Variants in VAT1L observed in about 807,000 individuals in gnomAD.
The protein encoded by VAT1L is vesicle amine transport 1 like.
VAT1L carries 34 observed loss-of-function variants against 44.1 expected under a neutral mutation model. The ratio of observed to expected loss-of-function variants is 0.77; its 90% confidence interval spans 0.59 to 1.03. The LOEUF (loss-of-function observed/expected upper bound fraction) is 1.03, where lower values mean the gene tolerates loss of function less well. Ranked by LOEUF, VAT1L falls within the 50% of genes least tolerant of loss-of-function variation. The probability of loss-of-function intolerance (pLI) is 0.00; values close to 1 mark genes in which losing one functional copy is unlikely to be tolerated. For missense variants in VAT1L, 615 were observed against 538.8 expected, an observed-to-expected ratio of 1.14 and a Z score of -1.40; for synonymous variants, 253 against 202.2, an observed-to-expected ratio of 1.25 and a Z score of -2.13.
intron 3 of VAT1L, among the ~76,000 whole-genome samples, chr16:77,832,061 C>T (rs538795803): frequency 9.3e-5 from 14 of 150,916 alleles, no homozygotes; most frequent in Admixed American, 5.3e-4. Context: ...CTCCTGACCT[C>T]GGGCAATCCA....
rs74029436 is a variant in VAT1L, at chr16:77,844,069, C to T, written c.579+18608C>T. On this transcript the variant is annotated intron_variant, in intron 3 of 8. Coordinates refer to ENST00000302536, the MANE Select transcript of VAT1L (RefSeq NM_020927.3). The stretch of plus-strand genomic sequence containing the variant: ...GGACCATCTGTAAGGGAGAAAGGCA[C>T]ATAGCTATACAGCAAATATATACAC... 4.8e-3 allele frequency among the ~76,000 whole-genome samples: 727 copies of T among 152,326 alleles called. 6 individuals carry two copies. Among genetic ancestry groups the T allele is most frequent in the African/African-American group, 0.017 (696 of 41,578 alleles).
chr16:77,975,189 G>T (rs866004127), intron 8 of VAT1L, among the ~76,000 whole-genome samples: 148 of 79,708 alleles, frequency 1.9e-3, no homozygotes, highest in African/African-American at 6.5e-3. Flanking sequence ...CTACTGGAAT[G>T]ACCACTTTTT....
At chr16:77,830,508 T>C (rs1328661995) in intron 3 of VAT1L, among the ~76,000 whole-genome samples, 1 of 152,152 alleles carries the variant, frequency 6.6e-6, no homozygotes, top group Non-Finnish European at 1.5e-5. Context: ...GTCTTTCCCA[T>C]GCTGTTCTTG....
chr16:77,912,934 G>A (rs1435679419), intron 7 of VAT1L, among the ~76,000 whole-genome samples: 2 of 151,974 alleles, frequency 1.3e-5, no homozygotes, highest in East Asian at 3.9e-4. Context: ...CTTCTTCTAA[G>A]GGCATCAATC....
chr16:77,887,041 C>A (rs935427356), intron 7 of VAT1L, among the ~76,000 whole-genome samples: 3 of 152,250 alleles, frequency 2.0e-5, no homozygotes, highest in Admixed American at 6.5e-5. Context: ...ATTGAGAATG[C>A]ATGCTGTAGA....
chr16:77,966,855 A>G (rs1597125514), intron 7 of VAT1L, among the ~76,000 whole-genome samples: 1 of 149,214 alleles, frequency 6.7e-6, no homozygotes, highest in Admixed American at 6.7e-5. Flanking sequence ...ACTAGTGGCT[A>G]TAGGATTAGG....
chr16:77,970,673 G>A (rs1597127480), intron 7 of VAT1L, among the ~76,000 whole-genome samples: 1 of 152,148 alleles, frequency 6.6e-6, no homozygotes, highest in Non-Finnish European at 1.5e-5. Flanking sequence ...CTGTAATTGA[G>A]TATCTTTTGT....
At chr16:77,951,924 T>C (rs1282441967) in intron 7 of VAT1L, among the ~76,000 whole-genome samples, 1 of 152,050 alleles carries the variant, frequency 6.6e-6, no homozygotes, top group Admixed American at 6.5e-5. Context: ...TGAACTCAAT[T>C]CCTTTGAAAC....
At chr16:77,958,911 G>C (rs1214395019) in intron 7 of VAT1L, among the ~76,000 whole-genome samples, 2 of 152,164 alleles carry the variant, frequency 1.3e-5, no homozygotes. Flanking sequence ...TAGTTATCCT[G>C]TTGCCAAGTA....
At chr16:77,930,087 T>G (rs73566787) in intron 7 of VAT1L, among the ~76,000 whole-genome samples, 2,089 of 152,220 alleles carry the variant, frequency 0.014, 47 homozygotes, top group African/African-American at 0.048. Context: ...GGACCTACCT[T>G]CCAGCCCAAA....
At chr16:77,919,128 G>GTGTGTGTGCA (rs968498592) in intron 7 of VAT1L, among the ~76,000 whole-genome samples, 5 of 152,198 alleles carry the variant, frequency 3.3e-5, no homozygotes, top group Admixed American at 3.3e-4. Flanking sequence ...TTGAGGGTGT[G>GTGTGTGTGCA]TGTGTGTGCA....
chr16:77,801,063 A>C (rs1017939462), intron 1 of VAT1L: 7 of 152,190 alleles, frequency 4.6e-5, no homozygotes, highest in African/African-American at 1.7e-4. Context: ...TCCTGACCTC[A>C]GCTGATCTGC....
intron 1 of VAT1L, among the ~76,000 whole-genome samples, chr16:77,816,467 C>T (rs2016357108): frequency 6.6e-6 from 1 of 152,198 alleles, no homozygotes; most frequent in Non-Finnish European, 1.5e-5. Flanking sequence ...TCTTCTTTCT[C>T]TTTCTCAGGC....
In VAT1L at chr16:77,977,926, CT is replaced by C. The variant is rs2142551116; in HGVS notation, c.*232del. Reference sequence around the variant, plus strand: ...TGTGTATTACACATTCCCCTCTCCCCTGTATCAAAACCATCCATCTGTGGGT... The same window carrying C: ...TGTGTATTACACATTCCCCTCTCCCCGTATCAAAACCATCCATCTGTGGGT... On this transcript the variant is annotated 3_prime_UTR_variant, in exon 9 of 9. Transcript: ENST00000302536. The C allele has an allele frequency of 4.2e-6, 2 of 478,478 alleles. No individual in the cohort carries two copies. Among genetic ancestry groups the C allele is most frequent in the Admixed American group, 6.8e-5 (2 of 29,420 alleles). 29.6% of individuals were successfully genotyped at this position (478,478 alleles called of 1,614,324 possible). A position where few individuals can be genotyped will look rare whatever the true frequency, so the allele number is the denominator to read the frequency against.
At chr16:77,895,574 A>C (rs189177785) in intron 7 of VAT1L, among the ~76,000 whole-genome samples, 28 of 152,332 alleles carry the variant, frequency 1.8e-4, no homozygotes, top group African/African-American at 6.0e-4. Context: ...AGCCTGTAGA[A>C]GCCAGAAAAG....
chr16:77,825,145 G>A (rs1157805019), intron 2 of VAT1L, 101 bp from the exon 3 acceptor site: 11 of 1,279,962 alleles, frequency 8.6e-6, no homozygotes, highest in South Asian at 3.8e-5. Context: ...GGGATTATAC[G>A]CATGAGCCAC....
At chr16:77,880,385 C>T (rs1409572338) in intron 6 of VAT1L, among the ~76,000 whole-genome samples, 1 of 151,982 alleles carries the variant, frequency 6.6e-6, no homozygotes, top group Non-Finnish European at 1.5e-5. Context: ...GTTTTGAATT[C>T]CCGGGCTCAA....
At chr16:77,908,734 C>G (rs8059167) in intron 7 of VAT1L, among the ~76,000 whole-genome samples, 8 of 151,758 alleles carry the variant, frequency 5.3e-5, no homozygotes, top group African/African-American at 1.9e-4. Context: ...GCTAACACAG[C>G]GAAACCCGTC....
At chr16:77,869,347 G>A (rs146777110) in intron 4 of VAT1L, among the ~76,000 whole-genome samples, 1 of 152,326 alleles carries the variant, frequency 6.6e-6, no homozygotes, top group East Asian at 1.9e-4. Context: ...TAACAGGCCA[G>A]GGAAAGTGGG....
Sources: allele counts gnomAD v4.1 joint callset (sites outside exome capture counted in the v4.1 genomes callset), GRCh38; gene constraint gnomAD v4.1.1; transcripts MANE v1.5; gene names NCBI Gene and HGNC (gene_info 2026-07-23, HGNC 2026-07-21).